Variants in HEATR6 observed in about 807,000 individuals in gnomAD.
HEATR6 encodes the protein HEAT repeat containing 6.
In HEATR6, 106 loss-of-function variants were observed where a neutral mutation model predicts 132.8. The observed-to-expected ratio is 0.80, with a 90% CI of 0.68 to 0.94. The LOEUF (loss-of-function observed/expected upper bound fraction) is 0.94, where lower values mean the gene tolerates loss of function less well. HEATR6 is among the 40% of genes least tolerant of loss of function. The pLI, the probability that HEATR6 is intolerant of heterozygous loss-of-function variation, is 0.00. For missense variants in HEATR6, 1,339 were observed against 1,425.1 expected (o/e 0.94, Z 0.97); for synonymous variants, 529 against 537.8 (o/e 0.98, Z 0.23).
At chr17:60,056,267 A>G in intron 12 of HEATR6, 30 bp from the exon 13 acceptor site, 1 of 1,594,532 alleles carries the variant, frequency 6.3e-7, no homozygotes, top group Non-Finnish European at 8.6e-7. Context: ...TTAACCCTCT[A>G]AGACCTGAGT....
At chr17:60,044,323 T>G (rs941298811) in intron 19 of HEATR6, among the ~76,000 whole-genome samples, 189 bp from the exon 20 acceptor site, 8 of 151,918 alleles carry the variant, frequency 5.3e-5, no homozygotes, top group African/African-American at 1.9e-4. Flanking sequence ...AGTGGCCAGG[T>G]GCCAATCCCC....
chr17:60,055,419 G>C (rs1274314697), intron 14 of HEATR6, 96 bp downstream of exon 14: 1 of 726,538 alleles, frequency 1.4e-6, no homozygotes, highest in South Asian at 2.0e-5. Context: ...GACACTGGAA[G>C]AAACCATATC....
In HEATR6 at chr17:60,071,400, T is replaced by C. The variant is rs576089328; in HGVS notation, c.700-593A>G. Reference sequence around the variant, plus strand: ...CAATTTTGATGATTATGATAATGATTATAAAAGAAGCTAACCCTCTGCTAA... The same window carrying C: ...CAATTTTGATGATTATGATAATGATCATAAAAGAAGCTAACCCTCTGCTAA... On this transcript the variant is annotated intron_variant, in intron 5 of 19. Transcript: ENST00000184956. Among the ~76,000 whole-genome samples, 9 of 152,320 alleles carry C rather than the reference T, an allele frequency of 5.9e-5. No individual in the cohort carries two copies. In the East Asian group the frequency reaches 1.7e-3, roughly 29 times the overall value.
intron 8 of HEATR6, among the ~76,000 whole-genome samples, chr17:60,067,126 C>T (rs996075359): frequency 1.3e-4 from 19 of 151,560 alleles, no homozygotes; most frequent in Non-Finnish European, 2.5e-4. Context: ...AAAAATTAGC[C>T]GGGCGTAGTG....
intron 14 of HEATR6, among the ~76,000 whole-genome samples, chr17:60,055,061 C>T (rs936322022): frequency 1.3e-5 from 2 of 152,174 alleles, no homozygotes; most frequent in South Asian, 2.1e-4. Context: ...TGAGCTCATA[C>T]GAGAGCTGGT....
chr17:60,071,315 G>A (rs935019177), intron 5 of HEATR6, among the ~76,000 whole-genome samples: 4 of 152,134 alleles, frequency 2.6e-5, no homozygotes, highest in East Asian at 1.9e-4. Context: ...AAACACTTCC[G>A]ACATTGGGAT....
At chr17:60,045,361 G>C (rs950296860) in intron 19 of HEATR6, among the ~76,000 whole-genome samples, 5 of 152,234 alleles carry the variant, frequency 3.3e-5, no homozygotes, top group African/African-American at 7.2e-5. Flanking sequence ...ATCTGAGAGA[G>C]AGAGATGCAA....
chr17:60,054,937 A>ATG (rs1906695405), intron 14 of HEATR6, among the ~76,000 whole-genome samples: 2 of 152,182 alleles, frequency 1.3e-5, no homozygotes. Flanking sequence ...TCATGCTGAA[A>ATG]TGTGACCTCT....
Position 60,043,615 on chromosome 17 carries a change from C to T in HEATR6, c.3494G>A (p.Cys1165Tyr). Reference sequence around the variant, plus strand: ...CCCTTGTGATCCAGATGAGTCAAAACAAACGGCCAGGATCTCTTCTAAAAA... The same window carrying T: ...CCCTTGTGATCCAGATGAGTCAAAATAAACGGCCAGGATCTCTTCTAAAAA... ...MGFLEEILAVCFDSSGSQGAL... is the reference protein window; with the variant it reads ...MGFLEEILAVYFDSSGSQGAL... Residue 1165 changes from cysteine to tyrosine, a missense_variant, in exon 20 of 20, where the codon TGT becomes TAT. Coordinates refer to ENST00000184956, the MANE Select transcript of HEATR6 (RefSeq NM_022070.5). 6.2e-7 allele frequency: 1 copy of T among 1,614,092 alleles called. No homozygotes were observed. Among genetic ancestry groups the T allele is most frequent in the Non-Finnish European group, 8.5e-7 (1 of 1,180,004 alleles).
chr17:60,078,893 C>G lies in HEATR6; in HGVS notation c.22G>C (p.Gly8Arg), dbSNP rs1374044781. The change falls in exon 1 of 20, where the codon GGT becomes CGT. Residue 8 changes from glycine to arginine, a missense_variant. By Grantham distance (125) the Gly-to-Arg change is moderately radical. Transcript: ENST00000184956. Reference sequence around the variant, plus strand: ...CGCGGCTGCACGGAAGGCCACGAACCGACAACTTGCACAGCAGCCATCTTT... The same window carrying G: ...CGCGGCTGCACGGAAGGCCACGAACGGACAACTTGCACAGCAGCCATCTTT... MAAVQVV[G>R]SWPSVQPREA... 1 of 1,533,874 alleles carries G rather than the reference C, an allele frequency of 6.5e-7. No individual in the cohort carries two copies. The highest frequency in any genetic ancestry group is 1.5e-5 in the African/African-American group (1 of 65,510).
chr17:60,064,263 A>C (rs1022382534), intron 9 of HEATR6: 1 of 158,552 alleles, frequency 6.3e-6, no homozygotes, highest in Non-Finnish European at 1.4e-5. Context: ...CTGAGATCTC[A>C]CCATTGCACT....
intron 1 of HEATR6, chr17:60,076,459 C>T (rs368979520): frequency 9.1e-5 from 42 of 462,760 alleles, no homozygotes; most frequent in Middle Eastern, 5.7e-4. Flanking sequence ...CCAGTTCTTC[C>T]GGAGGTCAAA....
intron 9 of HEATR6, among the ~76,000 whole-genome samples, chr17:60,060,383 A>G (rs2145191384): frequency 6.6e-6 from 1 of 152,222 alleles, no homozygotes; most frequent in South Asian, 2.1e-4. Flanking sequence ...GGGCTCAAGC[A>G]ATCCTCCCAC....
At chr17:60,065,768 T>C (rs1365443034) in intron 9 of HEATR6, among the ~76,000 whole-genome samples, 1 of 152,242 alleles carries the variant, frequency 6.6e-6, no homozygotes, top group African/African-American at 2.4e-5. Flanking sequence ...TTCTATATCC[T>C]GTGTTTTCAC....
chr17:60,072,456 T>A (rs2083274314), intron 4 of HEATR6, 127 bp from the exon 5 acceptor site: 1 of 462,170 alleles, frequency 2.2e-6, no homozygotes, highest in African/African-American at 2.0e-5. Context: ...GCAACTATGC[T>A]ATGGAAAATT....
chr17:60,047,517 C>A, intron 17 of HEATR6, 112 bp from the exon 18 acceptor site: 1 of 481,778 alleles, frequency 2.1e-6, no homozygotes, highest in Non-Finnish European at 3.6e-6. Flanking sequence ...AACAGTTTAA[C>A]AAATCTGCTT....
intron 12 of HEATR6, among the ~76,000 whole-genome samples, 170 bp from the exon 13 acceptor site, chr17:60,056,407 T>A (rs920369347): frequency 1.2e-4 from 19 of 152,250 alleles, no homozygotes; most frequent in African/African-American, 4.3e-4. Context: ...ATAAACTGTA[T>A]CATAGTTTTA....
chr17:60,064,330 CAAAA>C (rs2083228347), intron 9 of HEATR6: 2 of 167,676 alleles, frequency 1.2e-5, no homozygotes, highest in Middle Eastern at 5.8e-3. Context: ...AACAAACAAA[CAAAA>C]GCCTGTCCCA....
Position 60,067,498 on chromosome 17 carries a change from T to C in HEATR6, c.1174A>G (p.Lys392Glu), listed in dbSNP as rs2083248153. 1 of 1,606,890 alleles carries C rather than the reference T, an allele frequency of 6.2e-7. No homozygotes were observed. The highest frequency in any genetic ancestry group is 1.1e-5 in the South Asian group (1 of 89,528). Reference protein sequence around the residue: ...VSSSFSSSSWKRVSSSESDFS... With the variant: ...VSSSFSSSSWERVSSSESDFS... ...TCTGACTCACTACTGCTGACCCTTT[T>C]CCAACTGGAAGAACTGAAGGATGAG... The change falls in exon 8 of 20, where the codon AAA becomes GAA. Residue 392 changes from lysine (K) to glutamate (E), a missense_variant. Transcript: ENST00000184956.
Sources: allele counts gnomAD v4.1 joint callset (sites outside exome capture counted in the v4.1 genomes callset), GRCh38; gene constraint gnomAD v4.1.1; transcripts MANE v1.5; gene names NCBI Gene and HGNC (gene_info 2026-07-23, HGNC 2026-07-21).